TOMM20L: variants seen among roughly 807,000 people sequenced by gnomAD.
TOMM20L encodes translocase of outer mitochondrial membrane 20 like.
In TOMM20L, 19 loss-of-function variants were observed where a neutral mutation model predicts 20.4. The ratio of observed to expected loss-of-function variants is 0.93; its 90% CI spans 0.65 to 1.36. The LOEUF (loss-of-function observed/expected upper bound fraction) is 1.36, where lower values mean the gene tolerates loss of function less well. TOMM20L is among the 40% of genes most tolerant of loss of function. TOMM20L has a pLI of 0.00. For missense variants in TOMM20L, 218 were observed against 203.7 expected (o/e 1.07, Z -0.43); for synonymous variants, 75 against 79.6 (o/e 0.94, Z 0.30).
At chr14:58,411,934 T>C (rs765717410), downstream of TOMM20L, 15 of 1,613,834 alleles carry the variant, frequency 9.3e-6, no homozygotes, top group Non-Finnish European at 8.5e-7. Context: ...ATTCTGGTAT[T>C]TGTGCAGCCA....
chr14:58,402,595 T>C, intron 2 of TOMM20L, 85 bp from the exon 3 acceptor site: 1 of 1,122,118 alleles, frequency 8.9e-7, no homozygotes, highest in East Asian at 2.4e-5. Flanking sequence ...GCCCAAGATG[T>C]CCTTTTTAAA....
downstream of TOMM20L, among the ~76,000 whole-genome samples, chr14:58,411,653 C>T (rs367730508): frequency 2.6e-5 from 4 of 151,960 alleles, 1 homozygote. Context: ...ATTCCTGTGC[C>T]TCAGCCTCCC....
downstream of TOMM20L, among the ~76,000 whole-genome samples, chr14:58,413,113 G>A (rs374863245): frequency 5.3e-5 from 8 of 152,030 alleles, no homozygotes; most frequent in Non-Finnish European, 7.4e-5. Flanking sequence ...GACATTTTAC[G>A]TTCCTTTTCT....
chr14:58,396,915 G>A (rs1594994129), intron 2 of TOMM20L, among the ~76,000 whole-genome samples: 1 of 152,338 alleles, frequency 6.6e-6, no homozygotes, highest in East Asian at 1.9e-4. Context: ...CCAACATGGT[G>A]AAAGCCTGTC....
intron 2 of TOMM20L, 133 bp downstream of exon 2, chr14:58,396,474 C>T: frequency 2.1e-6 from 2 of 933,778 alleles, no homozygotes; most frequent in Admixed American, 4.4e-5. Flanking sequence ...GAGGCCTGCC[C>T]TCGCGCGCCA....
At position 58,396,021 on chromosome 14, in the gene TOMM20L, T is replaced by C; in HGVS notation, c.64T>C (p.Phe22Leu). The change falls in exon 1 of 5, where the codon TTC (phenylalanine) becomes CTC (leucine). Residue 22 changes from phenylalanine (F) to leucine (L), a missense_variant. Transcript: ENST00000360945. ...AAAAACGAFA[F>L]LGYCIYLNRK... Reference sequence around the variant, plus strand: ...CGCGGCGGCCTGTGGCGCCTTCGCCTTCCTGGGCTATTGTATTTACCTCAA... The same window carrying C: ...CGCGGCGGCCTGTGGCGCCTTCGCCCTCCTGGGCTATTGTATTTACCTCAA... The C allele has an allele frequency of 6.9e-7, 1 of 1,452,638 alleles. No individual in the cohort carries two copies. Among genetic ancestry groups the C allele is most frequent in the Middle Eastern group, 1.9e-4 (1 of 5,352 alleles). 90.0% of individuals were successfully genotyped at this position (1,452,638 alleles called of 1,614,324 possible).
At chr14:58,397,579 G>T (rs2035944297) in intron 2 of TOMM20L, among the ~76,000 whole-genome samples, 1 of 152,216 alleles carries the variant, frequency 6.6e-6, no homozygotes, top group Non-Finnish European at 1.5e-5. Context: ...GGTTTCAGGG[G>T]AGAGGATACA....
the TOMM20L span, among the ~76,000 whole-genome samples, chr14:58,416,837 G>C: frequency 6.6e-6 from 1 of 152,156 alleles, no homozygotes; most frequent in African/African-American, 2.4e-5. Context: ...GCCAGGTGTC[G>C]TGGCTCATGC....
the TOMM20L span, among the ~76,000 whole-genome samples, chr14:58,415,653 C>T: frequency 6.6e-6 from 1 of 152,022 alleles, no homozygotes; most frequent in Non-Finnish European, 1.5e-5. Context: ...AATTCTTCAA[C>T]CTGAATTACA....
intron 3 of TOMM20L, among the ~76,000 whole-genome samples, chr14:58,404,129 T>A (rs1247381158): frequency 2.2e-3 from 10 of 4,586 alleles, no homozygotes; most frequent in Non-Finnish European, 3.6e-3. Context: ...ATTTTTTTTT[T>A]TTTTTTTTTT....
chr14:58,401,867 T>C (rs1289177095), intron 2 of TOMM20L, among the ~76,000 whole-genome samples: 2 of 152,172 alleles, frequency 1.3e-5, no homozygotes, highest in African/African-American at 4.8e-5. Flanking sequence ...AGGTCCTTTG[T>C]CCCTTTCCTT....
At chr14:58,411,918 G>A (rs564196618), downstream of TOMM20L, 1 of 1,613,766 alleles carries the variant, frequency 6.2e-7, no homozygotes, top group Non-Finnish European at 8.5e-7. Context: ...TGTTTTATCT[G>A]ATCAGATTCT....
At chr14:58,414,282 G>A in the TOMM20L span, among the ~76,000 whole-genome samples, 6 of 151,844 alleles carry the variant, frequency 4.0e-5, no homozygotes, top group African/African-American at 7.3e-5. Context: ...TATGAAGTTC[G>A]TTGAAACTAG....
At chr14:58,398,406 G>A (rs950560362) in intron 2 of TOMM20L, among the ~76,000 whole-genome samples, 1 of 152,172 alleles carries the variant, frequency 6.6e-6, no homozygotes, top group Non-Finnish European at 1.5e-5. Flanking sequence ...TAATGTTCAA[G>A]GAGTATTATG....
chr14:58,401,248 T>C (rs1396295889), intron 2 of TOMM20L, among the ~76,000 whole-genome samples: 1 of 152,160 alleles, frequency 6.6e-6, no homozygotes, highest in Non-Finnish European at 1.5e-5. Flanking sequence ...ATGTTACTGA[T>C]TATTAGTATA....
At position 58,396,067 on chromosome 14, in the gene TOMM20L, C is replaced by A. The variant is rs751582992; in HGVS notation, c.110C>A (p.Pro37His). 4.3e-6 allele frequency: 6 copies of A among 1,408,420 alleles called. No homozygotes were observed. The African/African-American group carries it at 6.0e-5, about 14-fold the overall frequency. The allele number at this position is 1,408,420 out of a possible 1,614,324, so 87.2% of individuals were successfully genotyped here. ...IYLNRKRRGD[P>H]AFKRRLRDKR... is the part of the protein sequence containing the mutation. ...CTCAACCGGAAGCGGCGCGGGGACC[C>A]CGCGTTCAAGCGCCGCCTGCGGGAC... The change falls in exon 1 of 5, where the codon CCC becomes CAC. Residue 37 changes from proline to histidine, a missense_variant. Coordinates refer to ENST00000360945, the MANE Select transcript of TOMM20L (RefSeq NM_207377.3).
chr14:58,396,434 T>C, intron 2 of TOMM20L, 93 bp downstream of exon 2: 1 of 1,425,020 alleles, frequency 7.0e-7, no homozygotes, highest in Non-Finnish European at 9.7e-7. Context: ...CAGCAGGTAG[T>C]TAGTTCCCTC....
chr14:58,413,831 C>G, the TOMM20L span, among the ~76,000 whole-genome samples: 5 of 150,996 alleles, frequency 3.3e-5, no homozygotes. Context: ...CACAGTGAAA[C>G]CCCGTCTTTA....
chr14:58,399,088 A>G (rs2035959316), intron 2 of TOMM20L, among the ~76,000 whole-genome samples: 1 of 152,086 alleles, frequency 6.6e-6, no homozygotes, highest in African/African-American at 2.4e-5. Context: ...GTTTCGCAAC[A>G]TTGCCCAGGC....
Sources: allele counts gnomAD v4.1 joint callset (sites outside exome capture counted in the v4.1 genomes callset), GRCh38; gene constraint gnomAD v4.1.1; transcripts MANE v1.5; gene names NCBI Gene and HGNC (gene_info 2026-07-23, HGNC 2026-07-21).